GSE1: variants seen among roughly 807,000 people sequenced by gnomAD.
GSE1 encodes the protein genetic suppressor element 1.
In GSE1, 32 loss-of-function variants were observed where a neutral mutation model predicts 112.6. The observed-to-expected ratio is 0.28, with a 90% CI of 0.21 to 0.38. The LOEUF is 0.38. Among genes scored for constraint, GSE1 ranks in the 10% least tolerant of loss-of-function variants. GSE1 has a pLI of 1.00. For synonymous variants in GSE1, 1,115 were observed against 735.6 expected (o/e 1.52, Z -8.35); for missense variants, 2,348 against 1,699.2 (o/e 1.38, Z -6.71).
intron 2 of GSE1, among the ~76,000 whole-genome samples, chr16:85,436,975 G>A (rs538184348): frequency 6.6e-6 from 1 of 152,304 alleles, no homozygotes; most frequent in Admixed American, 6.5e-5. Context: ...GGAGGTTACC[G>A]TCGAGGTCGA....
chr16:85,604,731 T>C (rs1387979118), intron 1 of GSE1, among the ~76,000 whole-genome samples: 3 of 23,106 alleles, frequency 1.3e-4, no homozygotes, highest in Non-Finnish European at 2.1e-4. Context: ...GGCAACAGAG[T>C]GAGATTCTGT....
chr16:85,386,670 C>T (rs1014780463), intron 2 of GSE1, among the ~76,000 whole-genome samples: 3 of 152,302 alleles, frequency 2.0e-5, no homozygotes, highest in Non-Finnish European at 4.4e-5. Context: ...GTGTTCAGCA[C>T]GATTGTGCGT....
chr16:85,675,472 C>T lies in GSE1; in HGVS notation c.*2933C>T, dbSNP rs1265713757. 1.3e-5 allele frequency: 2 copies of T among 152,218 alleles called. No homozygotes were observed. The highest frequency in any genetic ancestry group is 2.4e-5 in the African/African-American group (1 of 41,448). The allele number at this position is 152,218 out of a possible 1,614,324, so 9.4% of individuals were successfully genotyped here. ...ACGGGACTTTCCACATTTTAGTCTACATTCTAATCTTAAAGGAATAAAGCA... is the reference window on the plus strand; with the variant it reads ...ACGGGACTTTCCACATTTTAGTCTATATTCTAATCTTAAAGGAATAAAGCA... On this transcript the variant is annotated 3_prime_UTR_variant, in exon 16 of 16. Coordinates refer to ENST00000253458, the MANE Select transcript of GSE1 (RefSeq NM_014615.5).
At chr16:85,295,126 A>G (rs2045331016) in intron 1 of GSE1, among the ~76,000 whole-genome samples, 1 of 152,132 alleles carries the variant, frequency 6.6e-6, no homozygotes, top group Admixed American at 6.6e-5. Flanking sequence ...TGAGGGAGAT[A>G]CATTCAGTGC....
intron 15 of GSE1, among the ~76,000 whole-genome samples, chr16:85,671,439 CAAAAAAA>C (rs1159665909): frequency 1.6e-5 from 1 of 61,310 alleles, no homozygotes; most frequent in Non-Finnish European, 2.9e-5. Flanking sequence ...GACTCCGTCT[CAAAAAAA>C]AAAAAAAAAA....
intron 8 of GSE1, among the ~76,000 whole-genome samples, chr16:85,658,484 T>G (rs1222720487): frequency 6.6e-6 from 1 of 152,224 alleles, no homozygotes; most frequent in East Asian, 1.9e-4. Context: ...TAAGAAACCC[T>G]TGGGCTCTGG....
chr16:85,560,702 G>C (rs548991985), intron 1 of GSE1, among the ~76,000 whole-genome samples: 73 of 152,206 alleles, frequency 4.8e-4, no homozygotes, highest in African/African-American at 1.7e-3. Context: ...TCCTCTGTAT[G>C]TATGTATGTA....
chr16:85,627,691 CT>C, intron 1 of GSE1, among the ~76,000 whole-genome samples: 1 of 152,198 alleles, frequency 6.6e-6, no homozygotes, highest in South Asian at 2.1e-4. Context: ...CCCCCCGGCC[CT>C]CATCCGTCAC....
At chr16:85,358,546 C>T (rs778937805) in intron 2 of GSE1, among the ~76,000 whole-genome samples, 4 of 151,974 alleles carry the variant, frequency 2.6e-5, no homozygotes, top group Non-Finnish European at 5.9e-5. Flanking sequence ...TGGGCTGAGC[C>T]GGGGAGGAGA....
chr16:85,360,932 C>T (rs1018800041), intron 2 of GSE1, among the ~76,000 whole-genome samples: 73 of 151,970 alleles, frequency 4.8e-4, no homozygotes, highest in African/African-American at 1.7e-3. Context: ...CACAGGGCCA[C>T]GTGCAGACAG....
chr16:85,192,044 G>C (rs2074834401), intron 1 of GSE1, among the ~76,000 whole-genome samples: 1 of 152,216 alleles, frequency 6.6e-6, no homozygotes, highest in Admixed American at 6.5e-5. Flanking sequence ...ATGTGAAGGA[G>C]GTAATGAAAA....
At chr16:85,532,542 G>A (rs1185658297) in intron 2 of GSE1, among the ~76,000 whole-genome samples, 1 of 152,190 alleles carries the variant, frequency 6.6e-6, no homozygotes, top group East Asian at 1.9e-4. Flanking sequence ...GATCATAGGT[G>A]TGAACCACCA....
chr16:85,356,929 C>G (rs1378459108), intron 1 of GSE1, among the ~76,000 whole-genome samples: 1 of 152,200 alleles, frequency 6.6e-6, no homozygotes, highest in East Asian at 1.9e-4. Flanking sequence ...AAGAGAGCAT[C>G]CCCCGGGGGT....
intron 2 of GSE1, among the ~76,000 whole-genome samples, chr16:85,461,216 G>A (rs1384961254): frequency 6.6e-6 from 1 of 152,212 alleles, no homozygotes; most frequent in Admixed American, 6.5e-5. Context: ...TCATTGGTTT[G>A]GAGGCTGTTC....
At chr16:85,645,127 G>C (rs891682814) in intron 2 of GSE1, among the ~76,000 whole-genome samples, 3 of 151,304 alleles carry the variant, frequency 2.0e-5, no homozygotes, top group Admixed American at 6.6e-5. Flanking sequence ...CCCAGTCCCA[G>C]GTGTTGGCCC....
intron 2 of GSE1, among the ~76,000 whole-genome samples, chr16:85,508,747 A>G (rs1308740710): frequency 1.3e-5 from 2 of 152,142 alleles, no homozygotes; most frequent in Non-Finnish European, 2.9e-5. Context: ...TTCTGTAGAG[A>G]CTGAAATTAG....
chr16:85,411,055 A>G (rs1464258667), intron 2 of GSE1, among the ~76,000 whole-genome samples: 2 of 96,906 alleles, frequency 2.1e-5, no homozygotes, highest in Admixed American at 1.2e-4. Flanking sequence ...GGCCACCCGG[A>G]TAATCCTCAC....
chr16:85,398,825 G>A (rs2048025226), intron 2 of GSE1, among the ~76,000 whole-genome samples: 1 of 152,170 alleles, frequency 6.6e-6, no homozygotes, highest in Non-Finnish European at 1.5e-5. Context: ...GTGTGTGGGT[G>A]CATGTGTACA....
intron 1 of GSE1, among the ~76,000 whole-genome samples, chr16:85,308,950 C>G (rs905856309): frequency 2.0e-5 from 3 of 149,730 alleles, no homozygotes; most frequent in Admixed American, 6.7e-5. Flanking sequence ...CGCAGATGCA[C>G]GGGAGGTCTG....
Sources: gnomAD v4.1 joint callset for allele counts (sites outside exome capture counted in the v4.1 genomes callset) on GRCh38, gnomAD v4.1.1 for gene constraint, MANE v1.5 for transcripts, NCBI Gene and HGNC (gene_info 2026-07-23, HGNC 2026-07-21) for gene names.